The following MYT1L variants were observed in gnomAD, a reference collection of about 807,000 sequenced individuals.
MYT1L encodes the protein myelin transcription factor 1-like protein.
MYT1L carries 12 observed loss-of-function variants against 126.7 expected under a neutral mutation model. That is an observed-to-expected ratio of 0.09 (90% confidence interval 0.06 to 0.15). MYT1L has a LOEUF of 0.15. Ranked by LOEUF, MYT1L falls within the 10% of genes least tolerant of loss-of-function variation. MYT1L has a pLI of 1.00. For synonymous variants in MYT1L, 541 were observed against 604.2 expected, an observed-to-expected ratio of 0.90 and a Z score of 1.53; for missense variants, 979 against 1,585.2, an observed-to-expected ratio of 0.62 and a Z score of 6.49.
intron 3 of MYT1L, among the ~76,000 whole-genome samples, chr2:2,147,145 G>T (rs927936841): frequency 6.6e-6 from 1 of 152,208 alleles, no homozygotes; most frequent in Non-Finnish European, 1.5e-5. Context: ...CTCTCAGACA[G>T]GCATTTGGAG....
chr2:2,273,654 G>A (rs1018940006), intron 2 of MYT1L, among the ~76,000 whole-genome samples: 1 of 152,176 alleles, frequency 6.6e-6, no homozygotes, highest in South Asian at 2.1e-4. Context: ...GGGTAGGGGG[G>A]CTGTGACCAG....
intron 2 of MYT1L, among the ~76,000 whole-genome samples, chr2:2,175,503 C>G (rs756241343): frequency 1.3e-5 from 2 of 151,992 alleles, no homozygotes; most frequent in African/African-American, 4.8e-5. Flanking sequence ...GAGAGCTACA[C>G]GTTGATAGTG....
chr2:2,328,088 G>C lies in MYT1L; in HGVS notation c.-521+2879C>G, dbSNP rs532364159. On this transcript the variant is annotated intron_variant, in intron 1 of 24. Coordinates refer to ENST00000647738, the MANE Select transcript of MYT1L (RefSeq NM_001303052.2). ...GGCTTTTAAAAATTATAAATGTAAA[G>C]TATTTATAAAAGCAGCTGAACAAAT... Among the ~76,000 whole-genome samples, 27 of 152,214 alleles carry C rather than the reference G, an allele frequency of 1.8e-4. No homozygotes were observed. In the East Asian group the frequency reaches 5.2e-3, roughly 29 times the overall value.
At chr2:2,243,370 A>T (rs1472950325) in intron 2 of MYT1L, among the ~76,000 whole-genome samples, 1 of 152,234 alleles carries the variant, frequency 6.6e-6, no homozygotes, top group Non-Finnish European at 1.5e-5. Context: ...ATACAAACTT[A>T]TCTCTCAAGG....
At chr2:2,307,882 C>G (rs1461975455) in intron 1 of MYT1L, among the ~76,000 whole-genome samples, 2 of 149,002 alleles carry the variant, frequency 1.3e-5, no homozygotes, top group Non-Finnish European at 3.0e-5. Context: ...TATACTCTAT[C>G]TATACTCCAC....
chr2:2,329,914 A>G (rs893757992), intron 1 of MYT1L, among the ~76,000 whole-genome samples: 1 of 151,684 alleles, frequency 6.6e-6, no homozygotes, highest in African/African-American at 2.4e-5. Flanking sequence ...ATAACTTACA[A>G]TCAACACTTT....
At chr2:2,265,701 A>G (rs1381744107) in intron 2 of MYT1L, among the ~76,000 whole-genome samples, 2 of 152,224 alleles carry the variant, frequency 1.3e-5, no homozygotes, top group African/African-American at 4.8e-5. Flanking sequence ...CCTTGTCTAT[A>G]AAATATGGAT....
rs1256173003 is a variant in MYT1L, at chr2:1,943,350, G to A, written c.153-16C>T. 2.4e-5 allele frequency: 37 copies of A among 1,529,894 alleles called. No homozygotes were observed. The highest frequency in any genetic ancestry group is 3.1e-5 in the Non-Finnish European group (35 of 1,140,220). 94.8% of individuals were successfully genotyped at this position (1,529,894 alleles called of 1,614,324 possible). On this transcript the variant is annotated splice_polypyrimidine_tract_variant and intron_variant, in intron 8 of 24. Transcript: ENST00000647738. The surrounding 1 kb of genome is among the most constrained non-coding windows in gnomAD (Gnocchi z 4.4). ...ACCATATACACTAATTAAAAAAATA[G>A]AGAAGGCAGGGGAGAGAGAGAAAAA...
intron 18 of MYT1L, among the ~76,000 whole-genome samples, chr2:1,858,593 C>T (rs1340943696): frequency 2.6e-5 from 4 of 152,138 alleles, no homozygotes; most frequent in Admixed American, 2.6e-4. Context: ...GATTTGGTAT[C>T]CTCAGGGGTC....
chr2:1,926,119 C>A (rs1051141664), intron 9 of MYT1L, among the ~76,000 whole-genome samples: 2 of 152,132 alleles, frequency 1.3e-5, no homozygotes, highest in Non-Finnish European at 2.9e-5. Flanking sequence ...CCTCTCCCAG[C>A]GGCAGCAAAT....
chr2:2,239,681 A>G (rs1367352364), intron 2 of MYT1L, among the ~76,000 whole-genome samples: 1 of 152,206 alleles, frequency 6.6e-6, no homozygotes, highest in Non-Finnish European at 1.5e-5. Context: ...ATAGATTCCA[A>G]AAATATTTTC....
At chr2:2,185,600 G>A (rs1453156482) in intron 2 of MYT1L, among the ~76,000 whole-genome samples, 2 of 145,196 alleles carry the variant, frequency 1.4e-5, no homozygotes, top group Non-Finnish European at 3.0e-5. Context: ...CAGGCCTTCC[G>A]GGCCTTCCCG....
rs575734790 is a variant in MYT1L, at chr2:1,844,832, A to G, written c.2775-3989T>C. On this transcript the variant is annotated intron_variant, in intron 19 of 24. Coordinates refer to ENST00000647738, the MANE Select transcript of MYT1L (RefSeq NM_001303052.2). ...CTCGTCTTCTCCTTCCAAATTTTAG[A>G]AACATAGGGGTTCATTTGCAGGCCC... Among the ~76,000 whole-genome samples the G allele has an allele frequency of 5.3e-5, 8 of 152,220 alleles. No homozygotes were observed. The South Asian group carries it at 1.7e-3, about 32-fold the overall frequency.
intron 2 of MYT1L, among the ~76,000 whole-genome samples, chr2:2,264,776 G>C (rs938380736): frequency 6.6e-6 from 1 of 152,168 alleles, no homozygotes; most frequent in Admixed American, 6.5e-5. Context: ...AAAATGTCCA[G>C]AGGAATTCAG....
At chr2:2,293,012 G>A (rs34122978) in intron 1 of MYT1L, among the ~76,000 whole-genome samples, 1 of 152,148 alleles carries the variant, frequency 6.6e-6, no homozygotes, top group African/African-American at 2.4e-5. Context: ...TGCAAGTTCT[G>A]CTTACAGAGA....
At chr2:2,210,842 A>T (rs1428078863) in intron 2 of MYT1L, among the ~76,000 whole-genome samples, 2 of 152,152 alleles carry the variant, frequency 1.3e-5, no homozygotes, top group Non-Finnish European at 2.9e-5. Context: ...AACAATATTG[A>T]TTCTTCCAAT....
chr2:1,831,659 A>C (rs1209452449), intron 21 of MYT1L, among the ~76,000 whole-genome samples: 1 of 151,878 alleles, frequency 6.6e-6, no homozygotes, highest in Non-Finnish European at 1.5e-5. Flanking sequence ...ATCGTTTTGA[A>C]CTCTCCGCCA....
chr2:1,910,329 G>A lies in MYT1L; in HGVS notation c.1728C>T (p.Ile576=), dbSNP rs780865541. Reference sequence around the variant, plus strand: ...CCTTGGCCAGTTTCTCTGCTGCAGCGATCGGGCATCCGGAGAGGCTGCAAT... The same window carrying A: ...CCTTGGCCAGTTTCTCTGCTGCAGCAATCGGGCATCCGGAGAGGCTGCAAT... ...NSHRSLSGCP[I]AAAEKLAKAQ... Residue 576 remains isoleucine (I), a synonymous_variant, in exon 13 of 25, where the codon ATC becomes ATT. Coordinates refer to ENST00000647738, the MANE Select transcript of MYT1L (RefSeq NM_001303052.2). The surrounding 1 kb of genome is among the most constrained non-coding windows in gnomAD (Gnocchi z 4.8). 17 of 1,612,096 alleles carry A rather than the reference G, an allele frequency of 1.1e-5. No homozygotes were observed. The highest frequency in any genetic ancestry group is 4.4e-5 in the South Asian group (4 of 91,084).
chr2:2,103,412 C>T (rs2078343803), intron 3 of MYT1L, among the ~76,000 whole-genome samples: 1 of 152,226 alleles, frequency 6.6e-6, no homozygotes, highest in African/African-American at 2.4e-5. Flanking sequence ...AACACGTCCT[C>T]CTCTTCTCTA....
Sources: allele counts gnomAD v4.1 joint callset (sites outside exome capture counted in the v4.1 genomes callset), GRCh38; gene constraint gnomAD v4.1.1; non-coding constraint Gnocchi (gnomAD v3.1); transcripts MANE v1.5; gene names NCBI Gene and HGNC (gene_info 2026-07-23, HGNC 2026-07-21).